Variants in COPG2 observed in about 807,000 individuals in gnomAD.
COPG2 encodes coat protein complex I subunit gamma 2.
Under a neutral mutation model 46.3 loss-of-function variants are expected in COPG2, and 37 were observed. The observed-to-expected ratio is 0.80, with a 90% confidence interval of 0.61 to 1.05. The LOEUF is 1.05. Among genes scored for constraint, COPG2 ranks in the 50% least tolerant of loss-of-function variants. The pLI, the probability that COPG2 is intolerant of heterozygous loss-of-function variation, is 0.00. For missense variants in COPG2, 427 were observed against 387.8 expected (o/e 1.10, Z -0.85); for synonymous variants, 159 against 129.7 (o/e 1.23, Z -1.53).
intron 5 of COPG2, among the ~76,000 whole-genome samples, chr7:130,638,300 T>C (rs187968672): frequency 3.0e-3 from 455 of 152,244 alleles, no homozygotes; most frequent in Middle Eastern, 6.8e-3. Context: ...GCAGGAACGT[T>C]CAAGTCTACT....
In COPG2 at chr7:130,597,612, G is replaced by GA. The variant is rs797025400; in HGVS notation, c.737+13340dup. ...TATCAACAGGGCCAGGCTTATCTAA[G>GA]AAAAAAAAAAATCACATGATGACTT... On this transcript the variant is annotated intron_variant, in intron 9 of 23. Transcript: ENST00000425248. Among the ~76,000 whole-genome samples the GA allele has an allele frequency of 4.7e-3, 638 of 137,086 alleles. 3 individuals carry two copies. Among genetic ancestry groups the GA allele is most frequent in the East Asian group, 0.01 (50 of 4,812 alleles). 89.9% of individuals were successfully genotyped at this position (137,086 alleles called of 152,430 possible).
intron 9 of COPG2, among the ~76,000 whole-genome samples, chr7:130,573,544 A>G (rs574571926): frequency 6.6e-6 from 1 of 152,062 alleles, no homozygotes; most frequent in Non-Finnish European, 1.5e-5. Context: ...ACACCAGAAA[A>G]TCACATTATA....
At chr7:130,656,743 A>G (rs1190911994) in intron 4 of COPG2, among the ~76,000 whole-genome samples, 2 of 152,034 alleles carry the variant, frequency 1.3e-5, no homozygotes, top group African/African-American at 4.8e-5. Flanking sequence ...ATTTCACAAA[A>G]TATGTGCAAG....
At chr7:130,567,853 A>G (rs2116411173) in intron 9 of COPG2, among the ~76,000 whole-genome samples, 1 of 152,272 alleles carries the variant, frequency 6.6e-6, no homozygotes, top group East Asian at 1.9e-4. Context: ...ACCAAAATAG[A>G]ACCTCCTTAA....
At chr7:130,592,856 T>C (rs2116466134) in intron 9 of COPG2, among the ~76,000 whole-genome samples, 1 of 152,370 alleles carries the variant, frequency 6.6e-6, no homozygotes, top group African/African-American at 2.4e-5. Context: ...CACATTATGC[T>C]GCTCTTGTAT....
chr7:130,590,525 C>T (rs1322810094), intron 9 of COPG2, among the ~76,000 whole-genome samples: 6 of 152,138 alleles, frequency 3.9e-5, no homozygotes, highest in South Asian at 4.1e-4. Context: ...CCCGAGGTGC[C>T]GGGATGGCAG....
At chr7:130,573,025 C>T (rs782408848) in intron 9 of COPG2, among the ~76,000 whole-genome samples, 1 of 151,868 alleles carries the variant, frequency 6.6e-6, no homozygotes, top group Non-Finnish European at 1.5e-5. Context: ...AAAGGGAACA[C>T]ATCACTACTG....
intron 9 of COPG2, among the ~76,000 whole-genome samples, chr7:130,584,154 A>T (rs1794220088): frequency 1.3e-5 from 2 of 152,112 alleles, no homozygotes; most frequent in Admixed American, 6.6e-5. Context: ...GGATGGTTTA[A>T]CATACACAAG....
At chr7:130,509,733 TAA>T (rs782422150) in intron 20 of COPG2, 149 of 519,448 alleles carry the variant, frequency 2.9e-4, no homozygotes, top group South Asian at 2.0e-3. Context: ...GTCTAGGAGT[TAA>T]ATAAGTGTGT....
At chr7:130,634,943 C>T (rs1218681526) in intron 5 of COPG2, among the ~76,000 whole-genome samples, 1 of 151,488 alleles carries the variant, frequency 6.6e-6, no homozygotes, top group Non-Finnish European at 1.5e-5. Flanking sequence ...TTATCAAAGG[C>T]CTTTTCTGCA....
chr7:130,602,343 A>G (rs1419077573), intron 9 of COPG2, among the ~76,000 whole-genome samples: 1 of 152,014 alleles, frequency 6.6e-6, no homozygotes, highest in Non-Finnish European at 1.5e-5. Context: ...CATTCTTTAT[A>G]TAATTAAATA....
rs1011514476 is a variant in COPG2 at position 130,535,757 on chromosome 7, G to A, written c.2149+11917C>T. Among the ~76,000 whole-genome samples the A allele has an allele frequency of 1.1e-3, 160 of 151,656 alleles. 1 individual carries two copies. Among genetic ancestry groups the A allele is most frequent in the Admixed American group, 5.2e-3 (79 of 15,242 alleles). On this transcript the variant is annotated intron_variant, in intron 20 of 23. Coordinates refer to ENST00000425248, the MANE Select transcript of COPG2 (RefSeq NM_012133.6). ...GTTGGGGTGGGGTGAAGTGGGCCAAGCTGTAGGCATTGAGAACACCATCTC... is the reference window on the plus strand; with the variant it reads ...GTTGGGGTGGGGTGAAGTGGGCCAAACTGTAGGCATTGAGAACACCATCTC...
At chr7:130,534,781 G>C (rs1189865590) in intron 20 of COPG2, among the ~76,000 whole-genome samples, 2 of 152,112 alleles carry the variant, frequency 1.3e-5, no homozygotes, top group East Asian at 3.9e-4. Context: ...GGTGGATCTG[G>C]ACAGCCACAA....
At chr7:130,627,780 G>T (rs1795144073) in intron 5 of COPG2, among the ~76,000 whole-genome samples, 1 of 120,902 alleles carries the variant, frequency 8.3e-6, no homozygotes, top group Non-Finnish European at 1.7e-5. Flanking sequence ...GGGGTGGGGG[G>T]TGTGGTTCGG....
rs560864525 is a variant in COPG2 at position 130,610,980 on chromosome 7, C to A, written c.710G>T (p.Ser237Ile). ...ATCCTCAGTTTCTTTTAGTAAGCGACTGGCAATTCGGATCAGCATGCAGTA... is the reference window on the plus strand; with the variant it reads ...ATCCTCAGTTTCTTTTAGTAAGCGAATGGCAATTCGGATCAGCATGCAGTA... ...FAYCMLIRIA[S>I]RLLKETEDGH... Residue 237 changes from serine to isoleucine, a missense_variant, in exon 9 of 24, where the codon AGT becomes ATT. Coordinates refer to ENST00000425248, the MANE Select transcript of COPG2 (RefSeq NM_012133.6). 2 of 1,613,928 alleles carry A rather than the reference C, an allele frequency of 1.2e-6. No individual in the cohort carries two copies. Among genetic ancestry groups the A allele is most frequent in the South Asian group, 1.1e-5 (1 of 91,088 alleles).
chr7:130,611,345 A>G (rs957413984), intron 8 of COPG2, among the ~76,000 whole-genome samples: 4 of 152,208 alleles, frequency 2.6e-5, no homozygotes, highest in African/African-American at 9.6e-5. Flanking sequence ...GAGGTGACAT[A>G]CAACCTGAAG....
chr7:130,545,862 T>TTTG (rs1184738386), intron 20 of COPG2, among the ~76,000 whole-genome samples: 4 of 152,150 alleles, frequency 2.6e-5, no homozygotes, highest in South Asian at 2.1e-4. Context: ...GTGGAAATGT[T>TTTG]TTGTTGTTGT....
intron 9 of COPG2, among the ~76,000 whole-genome samples, chr7:130,565,502 G>T (rs1793788574): frequency 6.6e-6 from 1 of 152,134 alleles, no homozygotes; most frequent in African/African-American, 2.4e-5. Flanking sequence ...AAAATATAAT[G>T]TTTCTGACAA....
At chr7:130,577,071 AG>A (rs1794011466) in intron 9 of COPG2, among the ~76,000 whole-genome samples, 1 of 152,260 alleles carries the variant, frequency 6.6e-6, no homozygotes, top group African/African-American at 2.4e-5. Context: ...AGGAAGAATT[AG>A]ATCCCCTGAA....
Sources: allele counts gnomAD v4.1 joint callset (sites outside exome capture counted in the v4.1 genomes callset), GRCh38; gene constraint gnomAD v4.1.1; transcripts MANE v1.5; gene names NCBI Gene and HGNC (gene_info 2026-07-23, HGNC 2026-07-21).